PSD3: variants seen among roughly 807,000 people sequenced by gnomAD.
PSD3 encodes PH and SEC7 domain-containing protein 3.
Under a neutral mutation model 105.5 loss-of-function variants are expected in PSD3, and 49 were observed. The observed-to-expected ratio is 0.46, with a 90% CI of 0.37 to 0.59. PSD3 has a LOEUF of 0.59. PSD3 is among the 20% of genes least tolerant of loss of function. PSD3 has a pLI of 0.00. For missense variants in PSD3, 1,561 were observed against 1,263.8 expected, an observed-to-expected ratio of 1.24 and a Z score of -3.57; for synonymous variants, 557 against 457.8, an observed-to-expected ratio of 1.22 and a Z score of -2.77.
intron 15 of PSD3, among the ~76,000 whole-genome samples, chr8:18,545,037 A>T (rs150972912): frequency 6.6e-6 from 1 of 152,186 alleles, no homozygotes; most frequent in Non-Finnish European, 1.5e-5. Flanking sequence ...GGAGAAGAAG[A>T]AGGAGATATG....
intron 9 of PSD3, among the ~76,000 whole-genome samples, chr8:18,746,405 G>A (rs1805026347): frequency 6.6e-6 from 1 of 152,050 alleles, no homozygotes; most frequent in Non-Finnish European, 1.5e-5. Flanking sequence ...TGCCCCACGT[G>A]TCCTCATTCT....
In PSD3 at chr8:18,603,581, A is replaced by T. The variant is rs1804594015; in HGVS notation, c.2411-3147T>A. Among the ~76,000 whole-genome samples, 4 of 152,328 alleles carry T rather than the reference A, an allele frequency of 2.6e-5. No individual in the cohort carries two copies. In the South Asian group the frequency reaches 8.3e-4, roughly 32 times the overall value. ...GACATTATTTCACTATCTTTTGGCT[A>T]ACACCATTGTTGCAATGTTGATAGT... On this transcript the variant is annotated intron_variant, in intron 11 of 15. Coordinates refer to ENST00000327040, the MANE Select transcript of PSD3 (RefSeq NM_015310.4).
chr8:18,735,320 G>A (rs563113479), intron 9 of PSD3, among the ~76,000 whole-genome samples: 1 of 152,236 alleles, frequency 6.6e-6, no homozygotes, highest in African/African-American at 2.4e-5. Flanking sequence ...CTTCACCTAA[G>A]AAGAGATAAC....
intron 1 of PSD3, among the ~76,000 whole-genome samples, chr8:18,961,685 T>C (rs1036596252): frequency 2.3e-4 from 35 of 152,130 alleles, no homozygotes; most frequent in African/African-American, 8.2e-4. Flanking sequence ...AGCGAGACTC[T>C]GCCTCAAATA....
rs189369625 is a variant in PSD3, at chr8:18,864,555, G to A, written c.1634+3119C>T. On this transcript the variant is annotated intron_variant, in intron 4 of 15. Coordinates refer to ENST00000327040, the MANE Select transcript of PSD3 (RefSeq NM_015310.4). ...CATGTCTACCAAATATCAAGGAGGC[G>A]CGATCAGGGGAGAATTCATTAGTCT... 4.6e-5 allele frequency: 7 copies of A among 152,142 alleles called. No individual in the cohort carries two copies. In the East Asian group the frequency reaches 7.7e-4, roughly 17 times the overall value. The allele number at this position is 152,142 out of a possible 1,614,324, so 9.4% of individuals were successfully genotyped here.
intron 11 of PSD3, among the ~76,000 whole-genome samples, chr8:18,619,551 G>A (rs941733479): frequency 1.3e-5 from 2 of 151,954 alleles, no homozygotes; most frequent in African/African-American, 2.4e-5. Context: ...GCTGAGGCAG[G>A]AGAACGGTTT....
intron 10 of PSD3, among the ~76,000 whole-genome samples, chr8:18,641,257 G>C (rs759312810): frequency 6.6e-6 from 1 of 152,124 alleles, no homozygotes; most frequent in Non-Finnish European, 1.5e-5. Context: ...CCAAGTCCCT[G>C]CTCTCCTCCA....
rs1586039429 is a variant in PSD3, at chr8:18,799,336, T to C, written c.2041A>G (p.Thr681Ala). The change falls in exon 8 of 16, where the codon ACC becomes GCC. Residue 681 changes from threonine (T) to alanine (A), a missense_variant. By Grantham distance (58) the Thr-to-Ala change is moderately conservative. Transcript: ENST00000327040. ...IASQDGVHCL[T>A]CAIMLLNTDL... is the part of the protein sequence containing the mutation. Reference sequence around the variant, plus strand: ...GTATTAAGAAGCATTATTGCACAGGTAAGGCAATGGACTCCATCTAAAGAA... The same window carrying C: ...GTATTAAGAAGCATTATTGCACAGGCAAGGCAATGGACTCCATCTAAAGAA... 1.2e-6 allele frequency: 2 copies of C among 1,607,952 alleles called. No homozygotes were observed. The highest frequency in any genetic ancestry group is 2.2e-5 in the East Asian group (1 of 44,716).
chr8:19,084,559 C>T (rs369726016), exon 1 of PSD3: 85 of 381,956 alleles, frequency 2.2e-4, no homozygotes, highest in East Asian at 1.5e-3. Flanking sequence ...AGCCTCCATG[C>T]CAGGGGCTGT....
chr8:18,775,159 G>A (rs1409717453), intron 8 of PSD3, among the ~76,000 whole-genome samples: 3 of 152,048 alleles, frequency 2.0e-5, no homozygotes, highest in African/African-American at 7.2e-5. Flanking sequence ...TGACCTCTGT[G>A]TTCCATCCAC....
intron 15 of PSD3, among the ~76,000 whole-genome samples, chr8:18,540,956 T>C (rs1409582542): frequency 6.6e-6 from 1 of 151,958 alleles, no homozygotes; most frequent in East Asian, 1.9e-4. Context: ...AACTTGCTAT[T>C]CTCTGTCCAA....
chr8:18,709,365 C>T lies in PSD3; in HGVS notation c.2173-53680G>A, dbSNP rs186326888. On this transcript the variant is annotated intron_variant, in intron 9 of 15. Coordinates refer to ENST00000327040, the MANE Select transcript of PSD3 (RefSeq NM_015310.4). ...TTGATCCCTGGGATGGAGCCCCTGA[C>T]GGGAGGGGCGGCCACTGTCTCTGGT... Among the ~76,000 whole-genome samples the T allele has an allele frequency of 1.9e-3, 287 of 152,284 alleles. 1 individual carries two copies. The highest frequency in any genetic ancestry group is 6.4e-3 in the African/African-American group (265 of 41,570).
rs1799501761 is a variant in PSD3, at chr8:18,528,224, A to C, written c.*7519T>G. On this transcript the variant is annotated 3_prime_UTR_variant, in exon 16 of 16. Coordinates refer to ENST00000327040, the MANE Select transcript of PSD3 (RefSeq NM_015310.4). ...CCTTTACCTAACAGCTCTGATCTGG[A>C]CTGAACAAAGCTGCTAAGCTAGCAC... The C allele has an allele frequency of 6.6e-6, 1 of 152,344 alleles. No individual in the cohort carries two copies. Among genetic ancestry groups the C allele is most frequent in the South Asian group, 2.1e-4 (1 of 4,824 alleles). The allele number at this position is 152,344 out of a possible 1,614,324, so 9.4% of individuals were successfully genotyped here.
intron 9 of PSD3, among the ~76,000 whole-genome samples, chr8:18,754,830 A>C (rs1805887518): frequency 6.6e-6 from 1 of 152,022 alleles, no homozygotes; most frequent in South Asian, 2.1e-4. Flanking sequence ...CCTTTATGGG[A>C]TATTTTGACT....
intron 10 of PSD3, among the ~76,000 whole-genome samples, chr8:18,650,976 T>C (rs928280288): frequency 3.3e-5 from 5 of 152,164 alleles, no homozygotes; most frequent in Admixed American, 2.0e-4. Flanking sequence ...CTTGGACCTA[T>C]TGATGAACAC....
rs548684969 is a variant in PSD3, at chr8:18,543,344, G to T, written c.2929-7386C>A. Among the ~76,000 whole-genome samples, 6 of 152,262 alleles carry T rather than the reference G, an allele frequency of 3.9e-5. No homozygotes were observed. The South Asian group carries it at 1.2e-3, about 32-fold the overall frequency. On this transcript the variant is annotated intron_variant, in intron 15 of 15. Transcript: ENST00000327040. The stretch of plus-strand genomic sequence containing the variant: ...TACTTCCCAAATATGGCCAGGCGCG[G>T]TGACTCACACCTGTAATCCCAGCAC...
At chr8:19,057,676 C>T (rs1490563278) in intron 1 of PSD3, among the ~76,000 whole-genome samples, 1 of 152,072 alleles carries the variant, frequency 6.6e-6, no homozygotes, top group Non-Finnish European at 1.5e-5. Flanking sequence ...AAGAAGAGGG[C>T]CTCCAAGACC....
At chr8:18,889,347 T>G (rs1487195736) in intron 2 of PSD3, among the ~76,000 whole-genome samples, 1 of 152,124 alleles carries the variant, frequency 6.6e-6, no homozygotes, top group African/African-American at 2.4e-5. Flanking sequence ...TGTTCCTCCC[T>G]GGGCTGGCTA....
chr8:18,599,039 G>GA (rs140033322), intron 12 of PSD3, among the ~76,000 whole-genome samples: 5,533 of 150,372 alleles, frequency 0.037, 163 homozygotes, highest in East Asian at 0.11. Context: ...TACAGAAAAA[G>GA]AAAAAAAAAT....
Sources: allele counts gnomAD v4.1 joint callset (sites outside exome capture counted in the v4.1 genomes callset), GRCh38; gene constraint gnomAD v4.1.1; transcripts MANE v1.5; gene names NCBI Gene and HGNC (gene_info 2026-07-23, HGNC 2026-07-21).